The following PDE9A variants were observed in gnomAD, a reference collection of about 807,000 sequenced individuals.
The protein encoded by PDE9A is high affinity cGMP-specific 3',5'-cyclic phosphodiesterase 9A.
A neutral mutation model predicts 87.4 loss-of-function variants in PDE9A; 60 were observed. That is an observed-to-expected ratio of 0.69 (90% CI 0.56 to 0.85). PDE9A has a LOEUF of 0.85. PDE9A is among the 40% of genes least tolerant of loss of function. The probability of loss-of-function intolerance (pLI) is 0.00; values close to 1 mark genes in which losing one functional copy is unlikely to be tolerated. For synonymous variants in PDE9A, 272 were observed against 279.4 expected, an observed-to-expected ratio of 0.97 and a Z score of 0.27; for missense variants, 665 against 779.0, an observed-to-expected ratio of 0.85 and a Z score of 1.74.
intron 4 of PDE9A, among the ~76,000 whole-genome samples, chr21:42,714,717 G>A (rs1163944290): frequency 6.9e-6 from 1 of 145,290 alleles, no homozygotes; most frequent in Admixed American, 6.9e-5. Context: ...TGTTCATATG[G>A]TTGGGGTTAG....
intron 1 of PDE9A, among the ~76,000 whole-genome samples, chr21:42,655,946 C>T (rs1021110089): frequency 6.6e-6 from 1 of 152,150 alleles, no homozygotes; most frequent in African/African-American, 2.4e-5. Context: ...ATCGTTTGCC[C>T]AAGCCATGTG....
At chr21:42,699,223 G>C (rs993995397) in intron 4 of PDE9A, among the ~76,000 whole-genome samples, 8 of 152,222 alleles carry the variant, frequency 5.3e-5, no homozygotes, top group Non-Finnish European at 1.2e-4. Flanking sequence ...TTGTACTACT[G>C]TAAGGGCTCT....
In PDE9A at chr21:42,762,083, G is replaced by C; in HGVS notation, c.1086G>C (p.Thr362=). ...CCCTCACTCTCTCCTTGCCTCCCAG[G>C]TACCAGATCAATGCCCGCACAGAGC... ...HDLDHPGYNN[T]YQINARTELA... Residue 362 remains threonine, a splice_region_variant and synonymous_variant, in exon 14 of 20, where the codon ACG becomes ACC. Transcript: ENST00000291539. The C allele has an allele frequency of 6.2e-7, 1 of 1,613,222 alleles. No homozygotes were observed. Among genetic ancestry groups the C allele is most frequent in the South Asian group, 1.1e-5 (1 of 91,004 alleles).
chr21:42,738,038 GTCCTGGCT>G (rs1208626393), intron 7 of PDE9A, among the ~76,000 whole-genome samples: 1 of 152,174 alleles, frequency 6.6e-6, no homozygotes, highest in Non-Finnish European at 1.5e-5. Flanking sequence ...CTCCCCTCAT[GTCCTGGCT>G]GGAGGTGAAA....
intron 1 of PDE9A, among the ~76,000 whole-genome samples, chr21:42,656,445 C>T (rs928808920): frequency 3.3e-5 from 5 of 152,218 alleles, no homozygotes; most frequent in East Asian, 1.9e-4. Context: ...TTCTGTGCTC[C>T]GGCAAAGCTC....
Position 42,705,537 on chromosome 21 carries a change from A to T in PDE9A, c.262+6526A>T, listed in dbSNP as rs1024003119. Among the ~76,000 whole-genome samples the T allele has an allele frequency of 2.0e-5, 3 of 152,106 alleles. No individual in the cohort carries two copies. The highest frequency in any genetic ancestry group is 2.0e-4 in the Admixed American group (3 of 15,278). Reference sequence around the variant, plus strand: ...GACAGGGCCTCCCTCAGCGTGGCAGATCGCGTGGGTCCATGGGTCCGTGTG... The same window carrying T: ...GACAGGGCCTCCCTCAGCGTGGCAGTTCGCGTGGGTCCATGGGTCCGTGTG... On this transcript the variant is annotated intron_variant, in intron 4 of 19. Transcript: ENST00000291539. The surrounding 1 kb of genome is among the most constrained non-coding windows in gnomAD (Gnocchi z 4.3).
intron 1 of PDE9A, among the ~76,000 whole-genome samples, chr21:42,674,608 G>A (rs150991796): frequency 0.01 from 1,550 of 152,210 alleles, 24 homozygotes; most frequent in African/African-American, 0.035. Context: ...GAGGGGCCCC[G>A]CCTTGTCCTC....
chr21:42,726,622 A>AT (rs1445924271), intron 4 of PDE9A, among the ~76,000 whole-genome samples: 47 of 25,218 alleles, frequency 1.9e-3, no homozygotes, highest in East Asian at 6.9e-3. Context: ...ATATATATAT[A>AT]TATTTTTTTT....
intron 4 of PDE9A, among the ~76,000 whole-genome samples, chr21:42,726,948 C>T (rs898541071): frequency 4.0e-5 from 6 of 151,192 alleles, no homozygotes; most frequent in Non-Finnish European, 7.4e-5. Context: ...TCTTGATTAC[C>T]GAAATTATGT....
chr21:42,727,641 T>C (rs1028327797), intron 4 of PDE9A, among the ~76,000 whole-genome samples: 5 of 152,000 alleles, frequency 3.3e-5, no homozygotes, highest in Admixed American at 6.6e-5. Flanking sequence ...GCTGGTATTT[T>C]ATTTATAATT....
intron 14 of PDE9A, 27 bp downstream of exon 14, chr21:42,762,266 G>A (rs778505280): frequency 7.5e-6 from 12 of 1,607,264 alleles, no homozygotes; most frequent in East Asian, 4.5e-5. Context: ...CCCTCCCACC[G>A]GAGTGGGGGC....
chr21:42,663,862 C>T (rs1601891920), intron 1 of PDE9A, among the ~76,000 whole-genome samples: 1 of 152,216 alleles, frequency 6.6e-6, no homozygotes, highest in East Asian at 1.9e-4. Flanking sequence ...GCCCAGGCCT[C>T]TCAGCATCCA....
intron 7 of PDE9A, chr21:42,734,197 C>T (rs2146752518): frequency 6.6e-6 from 1 of 152,246 alleles, no homozygotes; most frequent in South Asian, 2.1e-4. Context: ...AACAGAAGAA[C>T]AGCCTACTAC....
At chr21:42,714,619 T>C (rs112240941) in intron 4 of PDE9A, among the ~76,000 whole-genome samples, 4 of 149,770 alleles carry the variant, frequency 2.7e-5, no homozygotes, top group East Asian at 1.9e-4. Flanking sequence ...CAGTCTTTGT[T>C]GATATGGTTG....
In PDE9A at chr21:42,762,234, C is replaced by T. The variant is rs142259432; in HGVS notation, c.1237C>T (p.Arg413Ter). 7 of 1,613,744 alleles carry T rather than the reference C, an allele frequency of 4.3e-6. No homozygotes were observed. Among genetic ancestry groups the T allele is most frequent in the Non-Finnish European group, 4.2e-6 (5 of 1,179,802 alleles). Residue 413 changes from arginine (R) to a stop codon, truncating the protein, a stop_gained, in exon 14 of 20, where the codon CGA (arginine) becomes TGA (stop). Transcript: ENST00000291539. LOFTEE classifies it high-confidence loss of function. ...NIPPDGFKQI[R>*]QGMITLILAT... ...CCCACCTGATGGGTTCAAGCAGATCCGACAGGTGTGTGGGGTGAGGGCCCT... is the reference window on the plus strand; with the variant it reads ...CCCACCTGATGGGTTCAAGCAGATCTGACAGGTGTGTGGGGTGAGGGCCCT...
At chr21:42,743,936 CTT>C in intron 8 of PDE9A, 76 bp downstream of exon 8, 1 of 837,456 alleles carries the variant, frequency 1.2e-6, no homozygotes, top group Non-Finnish European at 2.0e-6. Flanking sequence ...GGGCTGTGGG[CTT>C]TGTTTGCCTA....
At chr21:42,730,832 T>G (rs2051655734) in intron 4 of PDE9A, among the ~76,000 whole-genome samples, 1 of 152,262 alleles carries the variant, frequency 6.6e-6, no homozygotes, top group Non-Finnish European at 1.5e-5. Flanking sequence ...ATCTTTTGTG[T>G]ACATGCATGA....
rs2056818538 is a variant in PDE9A at position 42,653,736 on chromosome 21, G to GCCCCCCCCCCCCC, written c.-78_-77insCCCCCCCCCCCCC. On this transcript the variant is annotated 5_prime_UTR_variant, in exon 1 of 20. Transcript: ENST00000291539. ...CCGCCCCCCGCCCGCCCCCTCCCCTGCTCCCCTCCCCCGCCTCCCGCGGCG... is the reference window on the plus strand; with the variant it reads ...CCGCCCCCCGCCCGCCCCCTCCCCTGCCCCCCCCCCCCCCTCCCCTCCCCCGCCTCCCGCGGCG... The GCCCCCCCCCCCCC allele has an allele frequency of 2.7e-6, 1 of 369,124 alleles. No homozygotes were observed. The highest frequency in any genetic ancestry group is 4.8e-6 in the Non-Finnish European group (1 of 208,476). 22.9% of individuals were successfully genotyped at this position (369,124 alleles called of 1,614,324 possible).
rs1014981747 is a variant in PDE9A, at chr21:42,675,385, C to T, written c.70-10807C>T. On this transcript the variant is annotated intron_variant, in intron 1 of 19. Transcript: ENST00000291539. This position sits in a 1 kb window ranked among gnomAD's most constrained non-coding sequence, Gnocchi z 4.3. ...TTGCTTGCAGCAGGGCAGCGCAGGG[C>T]ATTGGTTGGGGTATAAATCCGGGGG... Among the ~76,000 whole-genome samples the T allele has an allele frequency of 6.6e-6, 1 of 152,224 alleles. No homozygotes were observed. Among genetic ancestry groups the T allele is most frequent in the Non-Finnish European group, 1.5e-5 (1 of 68,046 alleles).
Sources: allele counts gnomAD v4.1 joint callset (sites outside exome capture counted in the v4.1 genomes callset), GRCh38; gene constraint gnomAD v4.1.1; non-coding constraint Gnocchi (gnomAD v3.1); transcripts MANE v1.5; gene names NCBI Gene and HGNC (gene_info 2026-07-23, HGNC 2026-07-21).